MPPED2: variants seen among roughly 807,000 people sequenced by gnomAD.
The protein encoded by MPPED2 is metallophosphoesterase MPPED2.
Under a neutral mutation model 33.0 loss-of-function variants are expected in MPPED2, and 5 were observed. That is an observed-to-expected ratio of 0.15 (90% CI 0.08 to 0.32). The LOEUF (loss-of-function observed/expected upper bound fraction) is 0.32, where lower values mean the gene tolerates loss of function less well. Ranked by LOEUF, MPPED2 falls within the 10% of genes least tolerant of loss-of-function variation. MPPED2 has a pLI of 1.00. For synonymous variants in MPPED2, 136 were observed against 141.9 expected (o/e 0.96, Z 0.29); for missense variants, 275 against 372.1 (o/e 0.74, Z 2.15).
At chr11:30,436,811 TGGA>T (rs1949347118) in intron 4 of MPPED2, among the ~76,000 whole-genome samples, 1 of 152,352 alleles carries the variant, frequency 6.6e-6, no homozygotes, top group Admixed American at 6.5e-5. Flanking sequence ...AGCTGAGTAA[TGGA>T]GGAGATTTCA....
At chr11:30,542,543 T>A (rs1955186031) in intron 2 of MPPED2, among the ~76,000 whole-genome samples, 1 of 149,058 alleles carries the variant, frequency 6.7e-6, no homozygotes, top group Non-Finnish European at 1.5e-5. Context: ...GGTAAGAGGA[T>A]CACTTGAGCC....
chr11:30,430,598 C>A (rs924793969), intron 4 of MPPED2, among the ~76,000 whole-genome samples: 2 of 152,108 alleles, frequency 1.3e-5, no homozygotes, highest in Admixed American at 6.6e-5. Context: ...GAAATTACAT[C>A]CTAATGAAAT....
chr11:30,441,575 C>G (rs78897023), intron 4 of MPPED2, among the ~76,000 whole-genome samples: 1 of 152,112 alleles, frequency 6.6e-6, no homozygotes, highest in African/African-American at 2.4e-5. Flanking sequence ...CCAAAAGATG[C>G]CCCCCTATTC....
intron 4 of MPPED2, among the ~76,000 whole-genome samples, chr11:30,493,228 G>A (rs561517915): frequency 1.3e-5 from 2 of 152,088 alleles, no homozygotes; most frequent in Non-Finnish European, 1.5e-5. Flanking sequence ...AAAATTAGCC[G>A]GGCGCAGTGG....
intron 3 of MPPED2, among the ~76,000 whole-genome samples, chr11:30,499,828 C>T (rs2134236207): frequency 6.6e-6 from 1 of 152,284 alleles, no homozygotes; most frequent in East Asian, 1.9e-4. Flanking sequence ...GCTTAGCCCT[C>T]AACTGAGGTT....
intron 4 of MPPED2, among the ~76,000 whole-genome samples, chr11:30,494,501 G>A (rs972207788): frequency 6.6e-6 from 1 of 152,012 alleles, no homozygotes; most frequent in Non-Finnish European, 1.5e-5. Context: ...ACTTTGGGAG[G>A]CCAAGGCGGG....
chr11:30,419,006 G>C (rs949366690), intron 4 of MPPED2, among the ~76,000 whole-genome samples: 2 of 152,204 alleles, frequency 1.3e-5, no homozygotes, highest in Admixed American at 1.3e-4. Flanking sequence ...GCCAGAAAAG[G>C]AGAAACTAGG....
In MPPED2 at chr11:30,449,564, G is replaced by T. The variant is rs139753316; in HGVS notation, c.537-31931C>A. Among the ~76,000 whole-genome samples, 10 of 147,796 alleles carry T rather than the reference G, an allele frequency of 6.8e-5. No homozygotes were observed. The East Asian group carries it at 1.4e-3, about 20-fold the overall frequency. On this transcript the variant is annotated intron_variant, in intron 4 of 6. Coordinates refer to ENST00000358117, the MANE Select transcript of MPPED2 (RefSeq NM_001584.3). ...AGGCTGAAGTGGGAGGACTACCTGAGCCCGGGAAGTAGAGGCTGCAGTGAG... is the reference window on the plus strand; with the variant it reads ...AGGCTGAAGTGGGAGGACTACCTGATCCCGGGAAGTAGAGGCTGCAGTGAG...
intron 4 of MPPED2, among the ~76,000 whole-genome samples, chr11:30,423,412 T>C (rs1461393065): frequency 6.6e-6 from 1 of 152,140 alleles, no homozygotes; most frequent in Non-Finnish European, 1.5e-5. Flanking sequence ...GGATTACAGC[T>C]TGGAAGCCTT....
At chr11:30,475,668 A>C (rs1291943814) in intron 4 of MPPED2, among the ~76,000 whole-genome samples, 1 of 152,124 alleles carries the variant, frequency 6.6e-6, no homozygotes, top group Non-Finnish European at 1.5e-5. Context: ...TCCAATGTAC[A>C]GGTTGTTTCC....
intron 3 of MPPED2, among the ~76,000 whole-genome samples, chr11:30,504,176 T>C (rs1353460062): frequency 6.6e-6 from 1 of 152,200 alleles, no homozygotes; most frequent in Non-Finnish European, 1.5e-5. Context: ...ATTTTTCCTA[T>C]TTAAAATTAT....
chr11:30,586,929 GACAC>G (rs35193435), upstream of MPPED2: 18,013 of 150,480 alleles, frequency 0.12, 1,307 homozygotes, highest in South Asian at 0.22. The surrounding 1 kb of genome is among the most constrained non-coding windows in gnomAD (Gnocchi z 4.8). Flanking sequence ...CAACACGACA[GACAC>G]ACACACACAC....
chr11:30,532,135 G>A (rs1954561257), intron 3 of MPPED2, among the ~76,000 whole-genome samples: 1 of 152,208 alleles, frequency 6.6e-6, no homozygotes, highest in Non-Finnish European at 1.5e-5. Context: ...CAGGGGTACA[G>A]CATCTGGACC....
intron 2 of MPPED2, among the ~76,000 whole-genome samples, chr11:30,559,248 G>A (rs927033015): frequency 2.6e-5 from 4 of 152,096 alleles, no homozygotes; most frequent in African/African-American, 7.2e-5. Context: ...GGAACCCAAC[G>A]GGATCCCAGT....
At chr11:30,512,300 G>A (rs527771727) in intron 3 of MPPED2, among the ~76,000 whole-genome samples, 4 of 152,192 alleles carry the variant, frequency 2.6e-5, no homozygotes, top group African/African-American at 9.6e-5. Context: ...CAGTGGCCTT[G>A]ATGGGATTTT....
At chr11:30,549,820 G>A (rs1955613229) in intron 2 of MPPED2, among the ~76,000 whole-genome samples, 1 of 152,150 alleles carries the variant, frequency 6.6e-6, no homozygotes. Context: ...AGGCTGAAGT[G>A]AGTGTACTTA....
chr11:30,427,075 G>A (rs559782433), intron 4 of MPPED2, among the ~76,000 whole-genome samples: 1 of 152,302 alleles, frequency 6.6e-6, no homozygotes, highest in South Asian at 2.1e-4. Context: ...GAATACCTGT[G>A]CCTCCTCTTC....
chr11:30,388,920 T>C (rs1947735208), exon 7 of MPPED2: 1 of 1,567,504 alleles, frequency 6.4e-7, no homozygotes, highest in Admixed American at 1.9e-5. Context: ...AGAACATATT[T>C]TTGTCCTCAG....
At chr11:30,384,302 T>G (rs528741245), downstream of MPPED2, among the ~76,000 whole-genome samples, 3 of 152,114 alleles carry the variant, frequency 2.0e-5, no homozygotes, top group African/African-American at 7.2e-5. Context: ...GTTAGCAACA[T>G]GTATAAAGTA....
Sources: allele counts gnomAD v4.1 joint callset (sites outside exome capture counted in the v4.1 genomes callset), GRCh38; gene constraint gnomAD v4.1.1; non-coding constraint Gnocchi (gnomAD v3.1); transcripts MANE v1.5; gene names NCBI Gene and HGNC (gene_info 2026-07-23, HGNC 2026-07-21).